Variants in CREB3L4 observed in about 807,000 individuals in gnomAD.
CREB3L4 encodes the protein cAMP responsive element binding protein 3 like 4.
A neutral mutation model predicts 37.0 loss-of-function variants in CREB3L4; 28 were observed. The ratio of observed to expected loss-of-function variants is 0.76; its 90% CI spans 0.56 to 1.04. CREB3L4 has a LOEUF of 1.04. Ranked by LOEUF, CREB3L4 falls within the 50% of genes least tolerant of loss-of-function variation. The pLI is 0.00. For synonymous variants in CREB3L4, 175 were observed against 192.2 expected, an observed-to-expected ratio of 0.91 and a Z score of 0.74; for missense variants, 462 against 486.0, an observed-to-expected ratio of 0.95 and a Z score of 0.46.
rs375950642 is a variant in CREB3L4 at position 153,969,194 on chromosome 1, G to A, written c.421+18G>A. On this transcript the variant is annotated intron_variant, in intron 3 of 9. Transcript: ENST00000368607. ...CCAGCTAGGTCAGTGTTCTTTGTGG[G>A]AAGGGGGAAATGGCCCTTCGGGACT... 17 of 1,614,034 alleles carry A rather than the reference G, an allele frequency of 1.1e-5. No homozygotes were observed. The African/African-American group carries it at 2.3e-4, about 22-fold the overall frequency.
rs1256943464 is a variant in CREB3L4 at position 153,973,108 on chromosome 1, G to C, written c.743+30G>C. 8.1e-6 allele frequency: 13 copies of C among 1,612,864 alleles called. No individual in the cohort carries two copies. In the South Asian group the frequency reaches 1.3e-4, roughly 16 times the overall value. On this transcript the variant is annotated intron_variant, in intron 6 of 9. Transcript: ENST00000368607. ...GCCTGGGTTATTTCTGGCTTCTTGT[G>C]GGCCATGTCTGGGCCCCTTCCTCAC...
chr1:153,974,028 G>C lies in CREB3L4; in HGVS notation c.1151G>C (p.Gly384Ala), dbSNP rs748389952. The C allele has an allele frequency of 6.2e-7, 1 of 1,613,968 alleles. No homozygotes were observed. The highest frequency in any genetic ancestry group is 8.5e-7 in the Non-Finnish European group (1 of 1,180,032). Residue 384 changes from glycine to alanine, a missense_variant, in exon 10 of 10, where the codon GGG becomes GCG. Physicochemically the swap from Gly to Ala is moderately conservative, Grantham distance 60 (BLOSUM62 0). Transcript: ENST00000368607. ...EKMGGKPRPS[G>A]RIRSVLHADE... is the part of the protein sequence containing the mutation. ...ATGGGAGGGAAGCCAAGACCCAGTG[G>C]GCGCATCCGGTCCGTGCTGCATGCA...
rs780903139 is a variant in CREB3L4 at position 153,972,705 on chromosome 1, CCTCA to C, written c.544-35_544-32del. ...GGTGCTGCAAATGGGATGACCCCCT[CCTCA>C]CTCCTATTGCATCTTCTCCTGCCCC... On this transcript the variant is annotated intron_variant, in intron 4 of 9. Coordinates refer to ENST00000368607, the MANE Select transcript of CREB3L4 (RefSeq NM_001255978.2). 9.7e-6 allele frequency: 15 copies of C among 1,550,452 alleles called. No individual in the cohort carries two copies. In the East Asian group the frequency reaches 3.4e-4, roughly 35 times the overall value.
At chr1:153,969,619 T>G in intron 4 of CREB3L4, 164 bp downstream of exon 4, 1 of 753,134 alleles carries the variant, frequency 1.3e-6, no homozygotes, top group Non-Finnish European at 2.1e-6. Context: ...TGAACTATTT[T>G]TTATTTTTTG....
Position 153,968,957 on chromosome 1 carries a change from T to C in CREB3L4, c.202T>C (p.Phe68Leu). The C allele has an allele frequency of 6.2e-7, 1 of 1,612,986 alleles. No individual in the cohort carries two copies. The highest frequency in any genetic ancestry group is 8.5e-7 in the Non-Finnish European group (1 of 1,179,328). ...CGLQESEPED[F>L]LKLFIDPNEV... ...CCTTCAAGAGAGTGAGCCTGAAGAT[T>C]TCTTGAAGCTTTTCATTGATCCCAA... Residue 68 changes from phenylalanine to leucine, a missense_variant, in exon 3 of 10, where the codon TTC becomes CTC. Physicochemically the swap from Phe to Leu is conservative, Grantham distance 22 (BLOSUM62 0). Transcript: ENST00000368607.
chr1:153,968,471 G>A, intron 1 of CREB3L4, 51 bp from the exon 2 acceptor site: 2 of 1,555,708 alleles, frequency 1.3e-6, no homozygotes, highest in Non-Finnish European at 8.8e-7. Context: ...GGGGTAGTAA[G>A]CAGCCATCAT....
At chr1:153,969,768 G>C in intron 4 of CREB3L4, 1 of 298,320 alleles carries the variant, frequency 3.4e-6, no homozygotes, top group Non-Finnish European at 6.5e-6. Context: ...GTGCCACCAC[G>C]TCTGGCTAAT....
At position 153,969,116 on chromosome 1, in the gene CREB3L4, G is replaced by A. The variant is rs200303165; in HGVS notation, c.361G>A (p.Ala121Thr). The A allele has an allele frequency of 3.7e-6, 6 of 1,614,220 alleles. No individual in the cohort carries two copies. In the East Asian group the frequency reaches 6.7e-5, roughly 18 times the overall value. The change falls in exon 3 of 10, where the codon GCC becomes ACC. Residue 121 changes from alanine to threonine, a missense_variant. Ala to Thr is a moderately conservative substitution (Grantham distance 58). Transcript: ENST00000368607. The part of the protein sequence containing the change: ...MLYEVVYEAG[A>T]LERMQGETGP... Reference sequence around the variant, plus strand: ...CTATGAGGTTGTCTATGAGGCAGGGGCCCTGGAGAGGATGCAGGGGGAAAC... The same window carrying A: ...CTATGAGGTTGTCTATGAGGCAGGGACCCTGGAGAGGATGCAGGGGGAAAC...
chr1:153,974,208 T>A lies in CREB3L4; in HGVS notation c.*143T>A. 1 of 694,502 alleles carries A rather than the reference T, an allele frequency of 1.4e-6. No individual in the cohort carries two copies. The highest frequency in any genetic ancestry group is 2.4e-6 in the Non-Finnish European group (1 of 419,044). 43.0% of individuals were successfully genotyped at this position (694,502 alleles called of 1,614,324 possible). On this transcript the variant is annotated 3_prime_UTR_variant, in exon 10 of 10. Coordinates refer to ENST00000368607, the MANE Select transcript of CREB3L4 (RefSeq NM_001255978.2). ...TCAGGACACCCCAAGAGATGTCCTT[T>A]AGTCTCTGCCTGAGGCCTAGTCTGC...
chr1:153,973,156 T>G (rs757476925), intron 6 of CREB3L4, 39 bp from the exon 7 acceptor site: 22 of 1,612,482 alleles, frequency 1.4e-5, no homozygotes, highest in Non-Finnish European at 1.9e-5. Context: ...GGTAAGGGAC[T>G]CAGGTTGCTG....
At chr1:153,971,932 C>G (rs1648419419) in intron 4 of CREB3L4, among the ~76,000 whole-genome samples, 1 of 152,146 alleles carries the variant, frequency 6.6e-6, no homozygotes, top group Admixed American at 6.5e-5. Context: ...AAGCGATTCT[C>G]CTGCCTCAGC....
intron 7 of CREB3L4, 48 bp downstream of exon 7, chr1:153,973,311 G>A: frequency 1.2e-6 from 2 of 1,608,612 alleles, no homozygotes; most frequent in Non-Finnish European, 1.7e-6. Context: ...GGCAGGTACA[G>A]CACACAGGGG....
chr1:153,968,867 A>G, intron 2 of CREB3L4, 63 bp from the exon 3 acceptor site: 2 of 1,544,774 alleles, frequency 1.3e-6, no homozygotes, highest in South Asian at 1.2e-5. Flanking sequence ...AAAATGAAGC[A>G]TAAGTCAGGG....
In CREB3L4 at chr1:153,968,662, G is replaced by T. The variant is rs1303112748; in HGVS notation, c.137G>T (p.Gly46Val). Residue 46 changes from glycine (G) to valine (V), a missense_variant, in exon 2 of 10, where the codon GGA becomes GTA. Coordinates refer to ENST00000368607, the MANE Select transcript of CREB3L4 (RefSeq NM_001255978.2). ...CCGGTAACTAGGCTACAGGAACAGG[G>T]ACTGCAAGGCTGGAAGTCCGGTGGG... is the stretch of plus-strand genomic sequence containing the variant. ...EVPVTRLQEQ[G>V]LQGWKSGGDR... is the part of the protein sequence containing the mutation. 1.9e-6 allele frequency: 3 copies of T among 1,613,936 alleles called. No individual in the cohort carries two copies. Among genetic ancestry groups the T allele is most frequent in the Non-Finnish European group, 2.5e-6 (3 of 1,180,016 alleles).
intron 6 of CREB3L4, 29 bp downstream of exon 6, chr1:153,973,107 T>C: frequency 6.2e-7 from 1 of 1,612,834 alleles, no homozygotes; most frequent in African/African-American, 1.3e-5. Flanking sequence ...TGGCTTCTTG[T>C]GGGCCATGTC....
At chr1:153,969,573 G>A in intron 4 of CREB3L4, 118 bp downstream of exon 4, 1 of 1,234,170 alleles carries the variant, frequency 8.1e-7, no homozygotes, top group East Asian at 2.3e-5. Flanking sequence ...CGGTTTTTGT[G>A]GCATTGGGCC....
intron 4 of CREB3L4, among the ~76,000 whole-genome samples, chr1:153,971,505 G>A (rs1648363303): frequency 6.6e-6 from 1 of 151,514 alleles, no homozygotes; most frequent in Non-Finnish European, 1.5e-5. Context: ...CTAGCCTCAA[G>A]CAATCCTCCT....
intron 4 of CREB3L4, among the ~76,000 whole-genome samples, chr1:153,972,465 G>C (rs567139010): frequency 6.6e-6 from 1 of 152,194 alleles, no homozygotes; most frequent in Non-Finnish European, 1.5e-5. Context: ...ACCAGAATAA[G>C]CCTTCTCTAG....
Position 153,973,626 on chromosome 1 carries a change from C to T in CREB3L4, c.904C>T (p.Leu302Phe), listed in dbSNP as rs781487127. The T allele has an allele frequency of 1.8e-5, 29 of 1,611,758 alleles. No individual in the cohort carries two copies. The highest frequency in any genetic ancestry group is 2.5e-5 in the Non-Finnish European group (29 of 1,178,874). Reference sequence around the variant, plus strand: ...TCCTCTTGCTTCCTCCCAGATTCTTCTTTTTTCCCTGGCTCTCATCATCCT... The same window carrying T: ...TCCTCTTGCTTCCTCCCAGATTCTTTTTTTTTCCCTGGCTCTCATCATCCT... ...AQTSTCVLIL[L>F]FSLALIILPS... The change falls in exon 9 of 10, where the codon CTT (leucine) becomes TTT (phenylalanine). Residue 302 changes from leucine (L) to phenylalanine (F), a missense_variant. Leu to Phe is a conservative substitution (Grantham distance 22). Transcript: ENST00000368607.
Sources: gnomAD v4.1 joint callset for allele counts (sites outside exome capture counted in the v4.1 genomes callset) on GRCh38, gnomAD v4.1.1 for gene constraint, MANE v1.5 for transcripts, NCBI Gene and HGNC (gene_info 2026-07-23, HGNC 2026-07-21) for gene names.